The following SAMD8 variants were observed in gnomAD, a reference collection of about 807,000 sequenced individuals.
The protein encoded by SAMD8 is sphingomyelin synthase-related protein 1.
Under a neutral mutation model 42.0 loss-of-function variants are expected in SAMD8, and 20 were observed. That is an observed-to-expected ratio of 0.48 (90% confidence interval 0.34 to 0.69). The LOEUF is 0.69. Ranked by LOEUF, SAMD8 falls within the 30% of genes least tolerant of loss-of-function variation. SAMD8 has a pLI of 0.01. For missense variants in SAMD8, 328 were observed against 511.6 expected (o/e 0.64, Z 3.46); for synonymous variants, 162 against 173.0 (o/e 0.94, Z 0.50).
chr10:75,110,533 T>C (rs1848740377), upstream of SAMD8, among the ~76,000 whole-genome samples: 1 of 152,180 alleles, frequency 6.6e-6, no homozygotes, highest in East Asian at 1.9e-4. Flanking sequence ...TCTACACTCA[T>C]GTCTATCCCA....
intron 1 of SAMD8, among the ~76,000 whole-genome samples, chr10:75,150,076 ATCTC>A (rs749960015): frequency 9.5e-5 from 14 of 147,868 alleles, no homozygotes; most frequent in African/African-American, 2.7e-4. Context: ...GTGTGTGTAC[ATCTC>A]TCTCTCTCTC....
intron 1 of SAMD8, among the ~76,000 whole-genome samples, chr10:75,147,977 A>G (rs927534355): frequency 7.2e-5 from 11 of 152,228 alleles, no homozygotes; most frequent in Admixed American, 5.9e-4. Flanking sequence ...TTGTTATTCC[A>G]TAATGCATAA....
At chr10:75,168,344 C>A in intron 3 of SAMD8, 197 bp from the exon 4 acceptor site, 1 of 733,318 alleles carries the variant, frequency 1.4e-6, no homozygotes, top group Non-Finnish European at 1.7e-6. Flanking sequence ...GCTTCTTGGA[C>A]AGTATATGGA....
At chr10:75,161,764 T>C (rs1392798284) in intron 2 of SAMD8, among the ~76,000 whole-genome samples, 1 of 151,300 alleles carries the variant, frequency 6.6e-6, no homozygotes, top group Non-Finnish European at 1.5e-5. Flanking sequence ...TTTACACCTG[T>C]AATCCTTTGG....
intron 2 of SAMD8, among the ~76,000 whole-genome samples, chr10:75,154,516 A>C (rs1261086242): frequency 2.6e-5 from 4 of 152,196 alleles, no homozygotes; most frequent in Admixed American, 6.5e-5. Context: ...ATCTGAGAGG[A>C]GACAAGAAGC....
intron 1 of SAMD8, among the ~76,000 whole-genome samples, chr10:75,102,986 A>G (rs1340546543): frequency 6.6e-6 from 1 of 151,796 alleles, no homozygotes; most frequent in African/African-American, 2.4e-5. Flanking sequence ...GGTGGCACAC[A>G]CTTATAGTCC....
intron 1 of SAMD8, chr10:75,105,818 C>G: frequency 1.3e-6 from 2 of 1,550,936 alleles, no homozygotes; most frequent in Non-Finnish European, 1.7e-6. Flanking sequence ...TAGGCCAGGA[C>G]CAGCGTGGCA....
intron 1 of SAMD8, among the ~76,000 whole-genome samples, chr10:75,137,285 A>T (rs1429222463): frequency 2.0e-5 from 3 of 152,190 alleles, no homozygotes; most frequent in Admixed American, 6.6e-5. Context: ...CATGCCTGTA[A>T]TCCCAGCACT....
At chr10:75,135,773 C>T (rs1009905459) in intron 1 of SAMD8, among the ~76,000 whole-genome samples, 15 of 151,686 alleles carry the variant, frequency 9.9e-5, no homozygotes, top group African/African-American at 3.2e-4. Flanking sequence ...TTGCAGTGAG[C>T]TGAGATCGCG....
chr10:75,136,785 A>G (rs1157282086), intron 1 of SAMD8, among the ~76,000 whole-genome samples: 1 of 152,216 alleles, frequency 6.6e-6, no homozygotes, highest in Non-Finnish European at 1.5e-5. Context: ...TGTTTCTCCA[A>G]GCAAAATATA....
chr10:75,130,377 A>G (rs1159354683), intron 1 of SAMD8, among the ~76,000 whole-genome samples: 2 of 152,052 alleles, frequency 1.3e-5, no homozygotes, highest in South Asian at 2.1e-4. Flanking sequence ...TTGGTGGCAC[A>G]TGCCTGTAAT....
chr10:75,152,430 G>T (rs1840310582), intron 2 of SAMD8, among the ~76,000 whole-genome samples: 1 of 148,998 alleles, frequency 6.7e-6, no homozygotes, highest in Non-Finnish European at 1.5e-5. Flanking sequence ...GCTGAGGCAG[G>T]AGAATGGCGT....
intron 3 of SAMD8, among the ~76,000 whole-genome samples, chr10:75,167,672 A>G (rs1347047898): frequency 1.3e-5 from 2 of 152,208 alleles, no homozygotes; most frequent in African/African-American, 4.8e-5. Context: ...AGCTTGCTGC[A>G]GCCTCCAACT....
chr10:75,182,120 T>G lies in SAMD8; in HGVS notation c.*5428T>G, dbSNP rs1287805718. 1.3e-5 allele frequency: 2 copies of G among 152,248 alleles called. No homozygotes were observed. Among genetic ancestry groups the G allele is most frequent in the African/African-American group, 4.8e-5 (2 of 41,470 alleles). The allele number at this position is 152,248 out of a possible 1,614,324, so 9.4% of individuals were successfully genotyped here. ...CACTAAAAATAAAACATTTGAAAGT[T>G]GGATTACAGTTTCTTATTGAAATGT... is the stretch of plus-strand genomic sequence containing the variant. On this transcript the variant is annotated 3_prime_UTR_variant, in exon 6 of 6. Transcript: ENST00000542569.
intron 1 of SAMD8, among the ~76,000 whole-genome samples, chr10:75,148,789 C>T (rs1351831481): frequency 1.3e-5 from 2 of 152,132 alleles, no homozygotes; most frequent in Non-Finnish European, 2.9e-5. Flanking sequence ...GGATGCTGTC[C>T]TCATTCATTT....
chr10:75,170,620 T>A (rs1163563433), intron 4 of SAMD8, among the ~76,000 whole-genome samples: 1 of 151,638 alleles, frequency 6.6e-6, no homozygotes, highest in Non-Finnish European at 1.5e-5. Context: ...ATTATAAAAA[T>A]TCAAATTATA....
chr10:75,156,665 C>G (rs1840417256), intron 2 of SAMD8, among the ~76,000 whole-genome samples: 3 of 151,860 alleles, frequency 2.0e-5, no homozygotes, highest in African/African-American at 7.3e-5. Context: ...TAACCTATAT[C>G]TAATCACGAA....
intron 4 of SAMD8, among the ~76,000 whole-genome samples, chr10:75,170,400 A>C (rs1227057408): frequency 2.0e-5 from 3 of 152,214 alleles, no homozygotes; most frequent in Non-Finnish European, 4.4e-5. Context: ...TCAAGAGCTA[A>C]AAATATACCC....
Position 75,161,699 on chromosome 10 carries a change from T to C in SAMD8, c.579-2946T>C, listed in dbSNP as rs532049004. Among the ~76,000 whole-genome samples, 91 of 151,642 alleles carry C rather than the reference T, an allele frequency of 6.0e-4. 1 individual carries two copies. The highest frequency in any genetic ancestry group is 2.3e-3 in the East Asian group (12 of 5,174). The stretch of plus-strand genomic sequence containing the variant: ...AGAAAATTCAGAGAAAAAGAGCTTT[T>C]GGGGGAAAAAAAAAAAGTAGAGATT... On this transcript the variant is annotated intron_variant, in intron 2 of 5. Transcript: ENST00000542569.
Sources: gnomAD v4.1 joint callset for allele counts (sites outside exome capture counted in the v4.1 genomes callset) on GRCh38, gnomAD v4.1.1 for gene constraint, MANE v1.5 for transcripts, NCBI Gene and HGNC (gene_info 2026-07-23, HGNC 2026-07-21) for gene names.